ZNF292: variants seen among roughly 807,000 people sequenced by gnomAD.
The protein encoded by ZNF292 is zinc finger protein 292.
A neutral mutation model predicts 217.9 loss-of-function variants in ZNF292; 26 were observed. That is an observed-to-expected ratio of 0.12 (90% confidence interval 0.09 to 0.17). The LOEUF is 0.17. ZNF292 is among the 10% of genes least tolerant of loss of function. ZNF292 has a pLI of 1.00. For missense variants in ZNF292, 2,904 were observed against 3,175.2 expected, an observed-to-expected ratio of 0.91 and a Z score of 2.05; for synonymous variants, 1,257 against 1,124.1, an observed-to-expected ratio of 1.12 and a Z score of -2.37.
At chr6:87,241,529 C>T (rs1774286763) in intron 5 of ZNF292, among the ~76,000 whole-genome samples, 1 of 151,490 alleles carries the variant, frequency 6.6e-6, no homozygotes, top group Non-Finnish European at 1.5e-5. Context: ...AGCGGTTTTC[C>T]CACCTCAACC....
At chr6:87,227,646 T>TA (rs1773423979) in intron 4 of ZNF292, among the ~76,000 whole-genome samples, 1 of 152,210 alleles carries the variant, frequency 6.6e-6, no homozygotes, top group Non-Finnish European at 1.5e-5. Flanking sequence ...TTTGTTTCTA[T>TA]AATTTTGAGT....
At chr6:87,246,745 G>T (rs770218727) in intron 7 of ZNF292, among the ~76,000 whole-genome samples, 1 of 152,154 alleles carries the variant, frequency 6.6e-6, no homozygotes, top group Non-Finnish European at 1.5e-5. Flanking sequence ...GCGCCTGCCT[G>T]TAGTCCCTGC....
rs753572974 is a variant in ZNF292 at position 87,233,314 on chromosome 6, G to GT, written c.539-5dup. ...AAATGTTAATAATCTATTATGTCTT[G>GT]TTTTTTAAAGTGAATGAATTTTTAG... On this transcript the variant is annotated splice_polypyrimidine_tract_variant and intron_variant, in intron 4 of 7. Coordinates refer to ENST00000369577, the MANE Select transcript of ZNF292 (RefSeq NM_015021.3). The GT allele has an allele frequency of 2.5e-5, 39 of 1,585,898 alleles. No homozygotes were observed. The East Asian group carries it at 7.9e-4, about 32-fold the overall frequency.
chr6:87,218,572 T>C, intron 3 of ZNF292, 24 bp from the exon 4 acceptor site: 2 of 1,510,104 alleles, frequency 1.3e-6, no homozygotes, highest in Non-Finnish European at 1.8e-6. Flanking sequence ...TGTAATTCTT[T>C]GGATGTTTAT....
chr6:87,199,086 T>C (rs1292917721), intron 1 of ZNF292, among the ~76,000 whole-genome samples: 1 of 152,244 alleles, frequency 6.6e-6, no homozygotes, highest in African/African-American at 2.4e-5. Context: ...AGAAACTGAC[T>C]ATCCAAAGTG....
At chr6:87,248,198 G>GT (rs1202583602) in intron 7 of ZNF292, among the ~76,000 whole-genome samples, 3 of 152,072 alleles carry the variant, frequency 2.0e-5, no homozygotes, top group African/African-American at 2.4e-5. Context: ...TTTTTTATTT[G>GT]TTTTTTATTT....
intron 1 of ZNF292, among the ~76,000 whole-genome samples, chr6:87,184,453 G>A (rs1048944283): frequency 6.8e-6 from 1 of 146,270 alleles, no homozygotes; most frequent in Non-Finnish European, 1.5e-5. Context: ...AGCTTAGTGC[G>A]CTCAACTTAC....
At chr6:87,211,380 A>G (rs1242853516) in intron 1 of ZNF292, among the ~76,000 whole-genome samples, 1 of 152,200 alleles carries the variant, frequency 6.6e-6, no homozygotes, top group African/African-American at 2.4e-5. Context: ...GGCTAATTTA[A>G]TCTAAAATTT....
chr6:87,202,818 G>A (rs909367225), intron 1 of ZNF292, among the ~76,000 whole-genome samples: 1 of 152,062 alleles, frequency 6.6e-6, no homozygotes, highest in African/African-American at 2.4e-5. Context: ...AGTAAGGGGG[G>A]AGAGAAAGAG....
chr6:87,173,693 AAGCTTCTTCAGTGCTGG>A (rs1241353363), intron 1 of ZNF292: 1 of 152,206 alleles, frequency 6.6e-6, no homozygotes, highest in Non-Finnish European at 1.5e-5. Flanking sequence ...AGTTTTTCAA[AAGCTTCTTCAGTGCTGG>A]TTTATCAGAA....
chr6:87,197,884 A>G (rs1344510787), intron 1 of ZNF292, among the ~76,000 whole-genome samples: 2 of 152,120 alleles, frequency 1.3e-5, no homozygotes, highest in African/African-American at 4.8e-5. Context: ...TGCTACAGTT[A>G]AAGGGATTTT....
chr6:87,259,555 A>G lies in ZNF292; in HGVS notation c.5926A>G (p.Thr1976Ala). The G allele has an allele frequency of 6.3e-7, 1 of 1,581,810 alleles. No homozygotes were observed. Among genetic ancestry groups the G allele is most frequent in the South Asian group, 1.2e-5 (1 of 86,892 alleles). ...AHCQLVHHFT[T>A]EEMVKLKIKR... ...CTGTCAGTTGGTGCATCATTTTACA[A>G]CTGAAGAAATGGTAAAGTTAAAAAT... Residue 1976 changes from threonine to alanine, a missense_variant, in exon 8 of 8, where the codon ACT (threonine) becomes GCT (alanine). Thr to Ala is a moderately conservative substitution (Grantham distance 58, BLOSUM62 0). Coordinates refer to ENST00000369577, the MANE Select transcript of ZNF292 (RefSeq NM_015021.3).
At chr6:87,217,329 A>G (rs954492464) in intron 3 of ZNF292, among the ~76,000 whole-genome samples, 1 of 152,114 alleles carries the variant, frequency 6.6e-6, no homozygotes, top group African/African-American at 2.4e-5. Flanking sequence ...TTAACGTCAT[A>G]GGATTCTGCA....
chr6:87,195,690 A>G (rs1210786178), intron 1 of ZNF292, among the ~76,000 whole-genome samples: 2 of 152,194 alleles, frequency 1.3e-5, no homozygotes, highest in African/African-American at 2.4e-5. Flanking sequence ...AATACAAAAA[A>G]TAGAAAATAT....
chr6:87,244,540 T>G (rs1397161836), intron 6 of ZNF292, among the ~76,000 whole-genome samples: 1 of 152,220 alleles, frequency 6.6e-6, no homozygotes, highest in African/African-American at 2.4e-5. Context: ...CATAGAAGTT[T>G]ATGTTTAAGA....
intron 1 of ZNF292, among the ~76,000 whole-genome samples, chr6:87,191,488 T>G (rs887519105): frequency 2.6e-5 from 4 of 152,164 alleles, no homozygotes; most frequent in African/African-American, 9.7e-5. Flanking sequence ...TTTACATGTA[T>G]GTGGCAATAG....
chr6:87,260,555 A>C lies in ZNF292; in HGVS notation c.6926A>C (p.Glu2309Ala), dbSNP rs1775513609. The change falls in exon 8 of 8, where the codon GAA becomes GCA. Residue 2309 changes from glutamate to alanine, a missense_variant. This residue lies in a region of ZNF292 where 101 missense variants were observed against 89.5 expected (regional missense o/e 1.13). Coordinates refer to ENST00000369577, the MANE Select transcript of ZNF292 (RefSeq NM_015021.3). Reference protein sequence around the residue: ...QENMSSKANQEKSKSKHRGTK... With the variant: ...QENMSSKANQAKSKSKHRGTK... ...AATATGTCAAGCAAGGCAAACCAAG[A>C]AAAATCAAAGTCTAAACATCGGGGG... The C allele has an allele frequency of 1.9e-6, 3 of 1,613,138 alleles. No individual in the cohort carries two copies. Among genetic ancestry groups the C allele is most frequent in the Non-Finnish European group, 2.5e-6 (3 of 1,179,678 alleles).
rs908885823 is a variant in ZNF292, at chr6:87,249,397, G to T, written c.1020+3753G>T. On this transcript the variant is annotated intron_variant, in intron 7 of 7. Coordinates refer to ENST00000369577, the MANE Select transcript of ZNF292 (RefSeq NM_015021.3). ...CGTGCCTTGGCCTTCCAAAGTGGTG[G>T]GATTACAGGTATGAGCCACCACACA... 3.9e-5 allele frequency: 16 copies of T among 411,838 alleles called. No individual in the cohort carries two copies. In the Admixed American group the frequency reaches 4.2e-4, roughly 11 times the overall value. The allele number at this position is 411,838 out of a possible 1,614,324, so 25.5% of individuals were successfully genotyped here.
chr6:87,255,345 C>T lies in ZNF292; in HGVS notation c.1716C>T (p.Pro572=). 6.2e-7 allele frequency: 1 copy of T among 1,613,716 alleles called. No individual in the cohort carries two copies. The highest frequency in any genetic ancestry group is 8.5e-7 in the Non-Finnish European group (1 of 1,179,810). Residue 572 remains proline, a synonymous_variant, in exon 8 of 8, where the codon CCC becomes CCT. Transcript: ENST00000369577. ...ACAAAGATGGAATTTATAGTTGCCCCATATGTGCAAAGAACTTTAATTCTA... is the reference window on the plus strand; with the variant it reads ...ACAAAGATGGAATTTATAGTTGCCCTATATGTGCAAAGAACTTTAATTCTA... ...KHYKDGIYSC[P]ICAKNFNSKE... is the part of the protein sequence containing the mutation.
Sources: gnomAD v4.1 joint callset for allele counts (sites outside exome capture counted in the v4.1 genomes callset) on GRCh38, gnomAD v4.1.1 for gene constraint, gnomAD v4.1.1 regional missense constraint, MANE v1.5 for transcripts, NCBI Gene and HGNC (gene_info 2026-07-23, HGNC 2026-07-21) for gene names.